Variants in PDE4B observed in about 807,000 individuals in gnomAD.
PDE4B encodes the protein 3',5'-cyclic-AMP phosphodiesterase 4B.
In PDE4B, 20 loss-of-function variants were observed where a neutral mutation model predicts 82.2. The ratio of observed to expected loss-of-function variants is 0.24; its 90% CI spans 0.17 to 0.35. The LOEUF (loss-of-function observed/expected upper bound fraction) is 0.35, where lower values mean the gene tolerates loss of function less well. Ranked by LOEUF, PDE4B falls within the 10% of genes least tolerant of loss-of-function variation. PDE4B has a pLI of 1.00. For synonymous variants in PDE4B, 320 were observed against 318.9 expected (o/e 1.00, Z -0.04); for missense variants, 655 against 907.2 (o/e 0.72, Z 3.57).
chr1:66,119,878 G>A (rs945678340), intron 3 of PDE4B, among the ~76,000 whole-genome samples: 1 of 152,132 alleles, frequency 6.6e-6, no homozygotes, highest in Non-Finnish European at 1.5e-5. Flanking sequence ...TCAGAGGGAA[G>A]ACAACATGAA....
At chr1:66,093,243 G>A (rs1476637603) in intron 3 of PDE4B, among the ~76,000 whole-genome samples, 2 of 151,982 alleles carry the variant, frequency 1.3e-5, no homozygotes, top group African/African-American at 2.4e-5. Flanking sequence ...AAAAAGCATG[G>A]TAATGGGGTG....
Position 65,992,934 on chromosome 1 carries a change from C to G in PDE4B, c.281+74099C>G, listed in dbSNP as rs971539420. The G allele has an allele frequency of 6.8e-6, 11 of 1,613,666 alleles. No homozygotes were observed. The African/African-American group carries it at 1.3e-4, about 20-fold the overall frequency. On this transcript the variant is annotated intron_variant, in intron 3 of 16. Transcript: ENST00000341517. ...GACAGCAAAAGATTCTTCAAAGGAA[C>G]TTACTGCTTCTGAACCTGAGGTTTG...
At chr1:66,253,629 A>C (rs1653958170) in intron 4 of PDE4B, among the ~76,000 whole-genome samples, 1 of 152,234 alleles carries the variant, frequency 6.6e-6, no homozygotes, top group South Asian at 2.1e-4. Context: ...ATGTTTTATA[A>C]TTTCTATGCC....
chr1:66,289,905 A>T (rs905655308), intron 7 of PDE4B, among the ~76,000 whole-genome samples: 5 of 152,214 alleles, frequency 3.3e-5, no homozygotes, highest in Non-Finnish European at 5.9e-5. Context: ...AGATAAGATG[A>T]TGCTGATAAA....
At position 65,995,518 on chromosome 1, in the gene PDE4B, A is replaced by C. The variant is rs531542261; in HGVS notation, c.281+76683A>C. On this transcript the variant is annotated intron_variant, in intron 3 of 16. Coordinates refer to ENST00000341517, the MANE Select transcript of PDE4B (RefSeq NM_002600.4). ...GAGCACCCTAACGTCTTTCCAATGA[A>C]TATAGATGGCTCTGTATGGTCTGCT... is the stretch of plus-strand genomic sequence containing the variant. Among the ~76,000 whole-genome samples the C allele has an allele frequency of 9.2e-5, 14 of 152,284 alleles. 1 individual carries two copies. The South Asian group carries it at 2.9e-3, about 32-fold the overall frequency.
intron 3 of PDE4B, among the ~76,000 whole-genome samples, chr1:66,171,596 T>C (rs1025746834): frequency 2.6e-5 from 4 of 152,180 alleles, no homozygotes; most frequent in African/African-American, 7.2e-5. Context: ...GCCTGGGTGG[T>C]GTGATGTTGC....
At position 66,074,707 on chromosome 1, in the gene PDE4B, G is replaced by A. The variant is rs1367466202; in HGVS notation, c.281+155872G>A. Among the ~76,000 whole-genome samples, 4 of 152,232 alleles carry A rather than the reference G, an allele frequency of 2.6e-5. No individual in the cohort carries two copies. The East Asian group carries it at 7.8e-4, about 30-fold the overall frequency. On this transcript the variant is annotated intron_variant, in intron 3 of 16. Transcript: ENST00000341517. ...CTCTCTATATGAATTTGCTTAAGTT[G>A]TTGTTCATATGAATGAAATCATATA...
chr1:66,279,218 T>C (rs1656108803), intron 7 of PDE4B, among the ~76,000 whole-genome samples: 1 of 152,210 alleles, frequency 6.6e-6, no homozygotes, highest in African/African-American at 2.4e-5. Flanking sequence ...AAAAGCATCA[T>C]AGCTCTTTAT....
At chr1:65,938,547 A>G (rs1301887332) in intron 3 of PDE4B, among the ~76,000 whole-genome samples, 1 of 152,210 alleles carries the variant, frequency 6.6e-6, no homozygotes, top group Non-Finnish European at 1.5e-5. Context: ...TAAGAACTGA[A>G]AAATGAACAA....
At chr1:65,995,073 C>CA (rs906385486) in intron 3 of PDE4B, among the ~76,000 whole-genome samples, 12 of 150,990 alleles carry the variant, frequency 7.9e-5, no homozygotes, top group East Asian at 1.9e-4. Context: ...TTACAATTGC[C>CA]AAAAAAAATA....
intron 3 of PDE4B, among the ~76,000 whole-genome samples, chr1:65,946,691 A>G (rs1467811282): frequency 6.6e-6 from 1 of 151,998 alleles, no homozygotes; most frequent in African/African-American, 2.4e-5. Flanking sequence ...TATAAAACAC[A>G]TTTTGCTACT....
intron 3 of PDE4B, among the ~76,000 whole-genome samples, chr1:66,004,992 T>A (rs1381579656): frequency 6.6e-6 from 1 of 152,056 alleles, no homozygotes; most frequent in African/African-American, 2.4e-5. Flanking sequence ...CAAATATTAA[T>A]TAGTATGGTT....
At chr1:65,921,955 TA>T (rs1343926262) in intron 3 of PDE4B, among the ~76,000 whole-genome samples, 2 of 152,244 alleles carry the variant, frequency 1.3e-5, no homozygotes, top group Non-Finnish European at 2.9e-5. Flanking sequence ...GAATCCGTTC[TA>T]ATGAAAAGTA....
At chr1:66,075,482 A>G (rs1656377980) in intron 3 of PDE4B, among the ~76,000 whole-genome samples, 1 of 152,140 alleles carries the variant, frequency 6.6e-6, no homozygotes, top group African/African-American at 2.4e-5. Flanking sequence ...TGGAATTAGA[A>G]AAGGTTCTCA....
At chr1:66,050,778 G>C (rs1006941370) in intron 3 of PDE4B, 1 of 152,090 alleles carries the variant, frequency 6.6e-6, no homozygotes, top group African/African-American at 2.4e-5. Context: ...TTAGAACATC[G>C]AGGTATTGGA....
rs1651331626 is a variant in PDE4B at position 65,993,020 on chromosome 1, C to G, written c.281+74185C>G. ...TTGAGCTTCCGAGATTACCAGGAAA[C>G]AGACCTACATCTCCTAAAATTTCTC... On this transcript the variant is annotated intron_variant, in intron 3 of 16. Coordinates refer to ENST00000341517, the MANE Select transcript of PDE4B (RefSeq NM_002600.4). 3 of 1,613,978 alleles carry G rather than the reference C, an allele frequency of 1.9e-6. No homozygotes were observed. In the East Asian group the frequency reaches 6.7e-5, roughly 36 times the overall value.
intron 9 of PDE4B, among the ~76,000 whole-genome samples, chr1:66,357,415 T>G (rs373289928): frequency 6.6e-6 from 1 of 151,900 alleles, no homozygotes; most frequent in Non-Finnish European, 1.5e-5. Flanking sequence ...TAGGAAAAAA[T>G]AAAAAGAAAA....
intron 3 of PDE4B, among the ~76,000 whole-genome samples, chr1:66,040,834 A>G (rs752869375): frequency 6.6e-6 from 1 of 151,914 alleles, no homozygotes; most frequent in Non-Finnish European, 1.5e-5. Context: ...TGGAAAGTCA[A>G]CCCTTAGCCT....
At chr1:66,106,380 G>A (rs1174162290) in intron 3 of PDE4B, among the ~76,000 whole-genome samples, 3 of 152,106 alleles carry the variant, frequency 2.0e-5, no homozygotes, top group African/African-American at 7.2e-5. Context: ...GTTCATCAAG[G>A]ATATTGGTCT....
Sources: allele counts gnomAD v4.1 joint callset (sites outside exome capture counted in the v4.1 genomes callset), GRCh38; gene constraint gnomAD v4.1.1; transcripts MANE v1.5; gene names NCBI Gene and HGNC (gene_info 2026-07-23, HGNC 2026-07-21).